The following WNT7B variants were observed in gnomAD, a reference collection of about 807,000 sequenced individuals.
WNT7B encodes Wnt family member 7B, also known as protein Wnt-7b.
WNT7B carries 19 observed loss-of-function variants against 38.2 expected under a neutral mutation model. The ratio of observed to expected loss-of-function variants is 0.50; its 90% CI spans 0.35 to 0.73. The LOEUF (loss-of-function observed/expected upper bound fraction) is 0.73, where lower values mean the gene tolerates loss of function less well. Among genes scored for constraint, WNT7B ranks in the 30% least tolerant of loss-of-function variants. WNT7B has a pLI of 0.01. For missense variants in WNT7B, 423 were observed against 507.9 expected (o/e 0.83, Z 1.61); for synonymous variants, 243 against 209.3 (o/e 1.16, Z -1.39).
intron 1 of WNT7B, chr22:45,972,090 G>C (rs1032810194): frequency 5.2e-6 from 3 of 576,658 alleles, no homozygotes; most frequent in African/African-American, 3.9e-5. Context: ...TGCCCGCCCG[G>C]TTCCAGCGCT....
intron 1 of WNT7B, among the ~76,000 whole-genome samples, chr22:45,973,497 A>C (rs115375046): frequency 0.014 from 2,181 of 152,224 alleles, 58 homozygotes; most frequent in South Asian, 0.051. Context: ...CCCCTAGTCC[A>C]GGGCTCTCGG....
At chr22:45,969,774 G>T (rs901955911) in intron 1 of WNT7B, among the ~76,000 whole-genome samples, 1 of 152,236 alleles carries the variant, frequency 6.6e-6, no homozygotes, top group African/African-American at 2.4e-5. Context: ...CAGCGTCTGG[G>T]ATCCCAGCAA....
At chr22:45,956,860 C>T (rs985961716) in intron 1 of WNT7B, among the ~76,000 whole-genome samples, 1 of 152,172 alleles carries the variant, frequency 6.6e-6, no homozygotes, top group African/African-American at 2.4e-5. Flanking sequence ...GTAATCCCAG[C>T]ACTTTGGGAG....
chr22:45,931,265 G>T lies in WNT7B; in HGVS notation c.403C>A (p.Arg135Ser). The change falls in exon 3 of 4, where the codon CGC (arginine) becomes AGC (serine). Residue 135 changes from arginine (R) to serine (S), a missense_variant. Physicochemically the swap from Arg to Ser is moderately radical, Grantham distance 110. Transcript: ENST00000339464. ...TGGTTGTAGTAGCCCTGCTTCTCGC[G>T]GTCGCAGCCGCAGTTGCTCAGGTTC... Reference protein sequence around the residue: ...QGNLSNCGCDREKQGYYNQAE... With the variant: ...QGNLSNCGCDSEKQGYYNQAE... 6.3e-7 allele frequency: 1 copy of T among 1,598,782 alleles called. No individual in the cohort carries two copies. The highest frequency in any genetic ancestry group is 1.3e-5 in the African/African-American group (1 of 75,056).
intron 3 of WNT7B, among the ~76,000 whole-genome samples, chr22:45,929,940 CCT>C (rs1931277541): frequency 2.6e-5 from 3 of 115,258 alleles, no homozygotes; most frequent in East Asian, 2.2e-4. Context: ...ACCCACTCAT[CCT>C]TCCATCCATC....
chr22:45,972,913 A>C (rs1932482577), intron 1 of WNT7B, among the ~76,000 whole-genome samples: 1 of 152,250 alleles, frequency 6.6e-6, no homozygotes. Flanking sequence ...CTGTGAGGAC[A>C]GGTGTGTGTG....
At chr22:45,926,758 C>G in intron 3 of WNT7B, 2 of 985,362 alleles carry the variant, frequency 2.0e-6, no homozygotes, top group Non-Finnish European at 2.4e-6. Context: ...TCTGCTTCAC[C>G]CTCTGACCAC....
intron 2 of WNT7B, among the ~76,000 whole-genome samples, chr22:45,943,028 TGTGTGC>T (rs1892882981): frequency 1.4e-5 from 2 of 146,868 alleles, no homozygotes; most frequent in Non-Finnish European, 3.0e-5. Flanking sequence ...CATGTGTATG[TGTGTGC>T]GCGTGTGTGC....
intron 1 of WNT7B, among the ~76,000 whole-genome samples, chr22:45,967,436 T>C (rs1210802390): frequency 6.6e-6 from 1 of 152,072 alleles, no homozygotes; most frequent in African/African-American, 2.4e-5. Flanking sequence ...TCCCACTGCA[T>C]GTGGGTCCTA....
rs1932305405 is a variant in WNT7B, at chr22:45,966,113, A to T, written c.71+10571T>A. On this transcript the variant is annotated intron_variant, in intron 1 of 3. Coordinates refer to ENST00000339464, the MANE Select transcript of WNT7B (RefSeq NM_058238.3). The surrounding 1 kb of genome is among the most constrained non-coding windows in gnomAD (Gnocchi z 4.2). ...GCAGCCCGAGGGGGACACAGATTCCAAAGCAGACCCTGGGCACTGTGCACA... is the reference window on the plus strand; with the variant it reads ...GCAGCCCGAGGGGGACACAGATTCCTAAGCAGACCCTGGGCACTGTGCACA... Among the ~76,000 whole-genome samples the T allele has an allele frequency of 2.6e-5, 4 of 152,084 alleles. No individual in the cohort carries two copies. The highest frequency in any genetic ancestry group is 7.2e-5 in the African/African-American group (3 of 41,394).
intron 1 of WNT7B, among the ~76,000 whole-genome samples, chr22:45,959,062 C>G (rs1932136199): frequency 6.6e-6 from 1 of 152,228 alleles, no homozygotes; most frequent in Non-Finnish European, 1.5e-5. Context: ...GGGCCTGGTG[C>G]AAGGCCAGGC....
intron 1 of WNT7B, among the ~76,000 whole-genome samples, chr22:45,962,391 C>T (rs1321279181): frequency 6.6e-6 from 1 of 152,194 alleles, no homozygotes; most frequent in African/African-American, 2.4e-5. Context: ...CAGATCTCTA[C>T]CGGCACCCAG....
intron 3 of WNT7B, among the ~76,000 whole-genome samples, chr22:45,930,654 C>G (rs1931314708): frequency 6.6e-6 from 1 of 152,248 alleles, no homozygotes; most frequent in African/African-American, 2.4e-5. Flanking sequence ...TCAGGCTGCT[C>G]CTGCCTCCTG....
At chr22:45,967,007 C>T (rs1166990502) in intron 1 of WNT7B, among the ~76,000 whole-genome samples, 7 of 152,302 alleles carry the variant, frequency 4.6e-5, no homozygotes, top group South Asian at 4.1e-4. Context: ...TCAGGACCCA[C>T]GCTCAGAGGA....
chr22:45,941,797 C>T (rs981458309), intron 2 of WNT7B, among the ~76,000 whole-genome samples: 6 of 152,232 alleles, frequency 3.9e-5, no homozygotes, highest in Non-Finnish European at 7.3e-5. Context: ...TGGCCAAGGC[C>T]GTCACTCCTC....
intron 1 of WNT7B, among the ~76,000 whole-genome samples, chr22:45,968,611 GTCC>G (rs1366894427): frequency 6.6e-6 from 1 of 152,198 alleles, no homozygotes; most frequent in African/African-American, 2.4e-5. Context: ...AGGACCTCCT[GTCC>G]TCCCTCTGCA....
intron 3 of WNT7B, among the ~76,000 whole-genome samples, chr22:45,924,197 G>A (rs537436134): frequency 3.0e-4 from 45 of 152,328 alleles, no homozygotes; most frequent in Non-Finnish European, 5.3e-4. Flanking sequence ...GGCCTCACTC[G>A]GCAGCCCAGC....
intron 3 of WNT7B, chr22:45,927,706 G>A (rs1931134287): frequency 2.9e-6 from 2 of 682,718 alleles, no homozygotes; most frequent in Non-Finnish European, 5.4e-6. Flanking sequence ...GACCAGCCTG[G>A]GCAACATGGT....
rs575721156 is a variant in WNT7B, at chr22:45,933,577, C to A, written c.299-2208G>T. ...ATCTCATGGGGGTAGGGGGAGGGGG[C>A]AATAAACCAAGAGGGGGATCCCAGT... On this transcript the variant is annotated intron_variant, in intron 2 of 3. Transcript: ENST00000339464. Among the ~76,000 whole-genome samples, 19 of 151,430 alleles carry A rather than the reference C, an allele frequency of 1.3e-4. No homozygotes were observed. In the East Asian group the frequency reaches 3.5e-3, roughly 28 times the overall value.
Sources: gnomAD v4.1 joint callset for allele counts (sites outside exome capture counted in the v4.1 genomes callset) on GRCh38, gnomAD v4.1.1 for gene constraint, Gnocchi (gnomAD v3.1) non-coding constraint, MANE v1.5 for transcripts, NCBI Gene and HGNC (gene_info 2026-07-23, HGNC 2026-07-21) for gene names.